The following CSNK1D variants were observed in gnomAD, a reference collection of about 807,000 sequenced individuals.
CSNK1D encodes casein kinase I isoform delta.
CSNK1D carries 16 observed loss-of-function variants against 46.6 expected under a neutral mutation model. That is an observed-to-expected ratio of 0.34 (90% confidence interval 0.23 to 0.52). The LOEUF (loss-of-function observed/expected upper bound fraction) is 0.52, where lower values mean the gene tolerates loss of function less well. CSNK1D is among the 20% of genes least tolerant of loss of function. The probability of loss-of-function intolerance (pLI) is 0.95; values close to 1 mark genes in which losing one functional copy is unlikely to be tolerated. For missense variants in CSNK1D, 398 were observed against 578.4 expected (o/e 0.69, Z 3.20); for synonymous variants, 276 against 228.2 (o/e 1.21, Z -1.89).
In CSNK1D at chr17:82,250,127, A is replaced by G. The variant is rs1346969796; in HGVS notation, c.886-525T>C. The G allele has an allele frequency of 7.7e-7, 1 of 1,290,574 alleles. No individual in the cohort carries two copies. The highest frequency in any genetic ancestry group is 1.0e-6 in the Non-Finnish European group (1 of 989,526). 79.9% of individuals were successfully genotyped at this position (1,290,574 alleles called of 1,614,324 possible). ...CAGCCGGCAGCCGGATCTGTGCTGCACTATCCAGATGCACGGGGGTGGGGA... is the reference window on the plus strand; with the variant it reads ...CAGCCGGCAGCCGGATCTGTGCTGCGCTATCCAGATGCACGGGGGTGGGGA... On this transcript the variant is annotated intron_variant, in intron 6 of 8. Coordinates refer to ENST00000314028, the MANE Select transcript of CSNK1D (RefSeq NM_001893.6). The surrounding 1 kb of genome is among the most constrained non-coding windows in gnomAD (Gnocchi z 4.6).
chr17:82,244,919 G>C, intron 8 of CSNK1D, 88 bp from the exon 9 acceptor site: 10 of 1,566,330 alleles, frequency 6.4e-6, no homozygotes, highest in Non-Finnish European at 8.7e-6. Context: ...TGGGCAGGGA[G>C]GGGACGCACC....
At position 82,249,082 on chromosome 17, in the gene CSNK1D, A is replaced by C; in HGVS notation, c.1058-68T>G. ...TGCCTCTCACTCGGGGCTTTCTATG[A>C]GAGGCTGTGGCCAGAGAGGACCCTG... is the stretch of plus-strand genomic sequence containing the variant. On this transcript the variant is annotated intron_variant, in intron 7 of 8. Coordinates refer to ENST00000314028, the MANE Select transcript of CSNK1D (RefSeq NM_001893.6). This position sits in a 1 kb window ranked among gnomAD's most constrained non-coding sequence, Gnocchi z 6.7. 1 of 1,527,066 alleles carries C rather than the reference A, an allele frequency of 6.5e-7. No homozygotes were observed. Among genetic ancestry groups the C allele is most frequent in the African/African-American group, 1.4e-5 (1 of 72,802 alleles). The allele number at this position is 1,527,066 out of a possible 1,614,324, so 94.6% of individuals were successfully genotyped here.
chr17:82,245,336 C>T (rs1245773340), intron 8 of CSNK1D: 5 of 258,898 alleles, frequency 1.9e-5, no homozygotes, highest in Admixed American at 5.1e-5. Flanking sequence ...GCGTGGACGC[C>T]GGCCATGCAC....
intron 8 of CSNK1D, chr17:82,247,178 T>A (rs995164581): frequency 2.1e-5 from 21 of 985,344 alleles, no homozygotes; most frequent in Middle Eastern, 5.2e-4. Context: ...GACTCCTCCC[T>A]GCTGTTAGAG....
intron 3 of CSNK1D, chr17:82,254,684 G>A (rs2051118926): frequency 3.5e-5 from 4 of 113,746 alleles, no homozygotes; most frequent in Non-Finnish European, 6.3e-5. Context: ...AGCCGCCGGA[G>A]CCTCGAGACG....
Position 82,247,978 on chromosome 17 carries a change from GC to G in CSNK1D, c.1197+896del, listed in dbSNP as rs545038684. 139 of 985,472 alleles carry G rather than the reference GC, an allele frequency of 1.4e-4. No homozygotes were observed. In the African/African-American group the frequency reaches 2.2e-3, roughly 16 times the overall value. 61.0% of individuals were successfully genotyped at this position (985,472 alleles called of 1,614,324 possible). ...GTTCCTGGCTAGCCAGCTACACCCAGCCCCGCTCACGGCAGCAGGCCTGGCT... is the reference window on the plus strand; with the variant it reads ...GTTCCTGGCTAGCCAGCTACACCCAGCCCGCTCACGGCAGCAGGCCTGGCT... On this transcript the variant is annotated intron_variant, in intron 8 of 8. Transcript: ENST00000314028.
chr17:82,262,792 G>A (rs1045185058), intron 2 of CSNK1D, among the ~76,000 whole-genome samples: 72 of 152,220 alleles, frequency 4.7e-4, no homozygotes, highest in African/African-American at 1.6e-3. Context: ...CAACTCCCCG[G>A]TTTAGTCTCA....
At chr17:82,253,273 C>CA (rs1240476935) in intron 3 of CSNK1D, 29 bp from the exon 4 acceptor site, 12 of 1,578,670 alleles carry the variant, frequency 7.6e-6, no homozygotes, top group African/African-American at 1.3e-5. Context: ...CGCGAGATGG[C>CA]ACCCCAGGGC....
intron 2 of CSNK1D, among the ~76,000 whole-genome samples, chr17:82,258,773 C>T (rs1393093361): frequency 6.6e-6 from 1 of 152,216 alleles, no homozygotes; most frequent in African/African-American, 2.4e-5. Context: ...TCCAAGCACT[C>T]AGGACTCCTC....
intron 3 of CSNK1D, 191 bp from the exon 4 acceptor site, chr17:82,253,435 A>G: frequency 1.6e-6 from 1 of 625,018 alleles, no homozygotes; most frequent in Non-Finnish European, 3.0e-6. Context: ...AACCCTCCAC[A>G]CTCCACCCTC....
rs755104289 is a variant in CSNK1D at position 82,243,614 on chromosome 17, T to G, written c.*1167A>C. The G allele has an allele frequency of 3.0e-6, 3 of 985,440 alleles. No individual in the cohort carries two copies. Among genetic ancestry groups the G allele is most frequent in the Non-Finnish European group, 1.2e-6 (1 of 829,952 alleles). 61.0% of individuals were successfully genotyped at this position (985,440 alleles called of 1,614,324 possible). A position where few individuals can be genotyped will look rare whatever the true frequency, so the allele number is the denominator to read the frequency against. The stretch of plus-strand genomic sequence containing the variant: ...CTGGCCGTGAAGGTTCTGGGTCCGG[T>G]TGGGAGAGTCACCTGCTCCTTGGCA... On this transcript the variant is annotated 3_prime_UTR_variant, in exon 9 of 9. Transcript: ENST00000314028.
chr17:82,250,347 G>T lies in CSNK1D; in HGVS notation c.886-745C>A. ...GACACACCTGCGGCTGCAGCACCGT[G>T]CGGCCAGCACCGCCCAGACTCCTCA... is the stretch of plus-strand genomic sequence containing the variant. On this transcript the variant is annotated intron_variant, in intron 6 of 8. Transcript: ENST00000314028. The surrounding 1 kb of genome is among the most constrained non-coding windows in gnomAD (Gnocchi z 4.6). 3.8e-6 allele frequency: 2 copies of T among 532,600 alleles called. No homozygotes were observed. 33.0% of individuals were successfully genotyped at this position (532,600 alleles called of 1,614,324 possible). A position where few individuals can be genotyped will look rare whatever the true frequency, so the allele number is the denominator to read the frequency against.
Position 82,242,841 on chromosome 17 carries a change from A to G in CSNK1D, c.*1940T>C, listed in dbSNP as rs1421799201. ...CTAGATACTGGGCAAGGACTGTCAC[A>G]AGCACTCCGAAGACGCGACCCGGCG... On this transcript the variant is annotated 3_prime_UTR_variant, in exon 9 of 9. Transcript: ENST00000314028. 5.1e-6 allele frequency: 5 copies of G among 985,368 alleles called. No homozygotes were observed. The African/African-American group carries it at 8.7e-5, about 17-fold the overall frequency. The allele number at this position is 985,368 out of a possible 1,614,324, so 61.0% of individuals were successfully genotyped here.
intron 1 of CSNK1D, among the ~76,000 whole-genome samples, chr17:82,270,858 G>A (rs912295607): frequency 2.0e-5 from 3 of 152,162 alleles, no homozygotes; most frequent in Non-Finnish European, 4.4e-5. Context: ...GGGTGTCAGA[G>A]CCACAGCCGC....
intron 8 of CSNK1D, chr17:82,245,434 G>T: frequency 9.6e-6 from 2 of 209,124 alleles, no homozygotes; most frequent in South Asian, 1.4e-4. Flanking sequence ...GACCAAGTGT[G>T]AAAAGAAACA....
At chr17:82,246,006 G>A in intron 8 of CSNK1D, 2 of 1,610,364 alleles carry the variant, frequency 1.2e-6, no homozygotes, top group Non-Finnish European at 1.7e-6. Context: ...GAGACGAGCA[G>A]CTACTTGCCG....
chr17:82,258,313 T>C (rs1013377037), intron 2 of CSNK1D, among the ~76,000 whole-genome samples: 1 of 150,348 alleles, frequency 6.7e-6, no homozygotes, highest in Non-Finnish European at 1.5e-5. Flanking sequence ...AACATAAATG[T>C]ATATATAAAC....
intron 2 of CSNK1D, among the ~76,000 whole-genome samples, chr17:82,260,497 GAT>G (rs2051306491): frequency 6.9e-6 from 1 of 145,302 alleles, no homozygotes; most frequent in Non-Finnish European, 1.6e-5. Flanking sequence ...TGTACTGACT[GAT>G]GTGACTGATG....
chr17:82,271,248 G>GT, intron 1 of CSNK1D, among the ~76,000 whole-genome samples: 1 of 152,040 alleles, frequency 6.6e-6, no homozygotes, highest in Non-Finnish European at 1.5e-5. Flanking sequence ...GCCAATTTTT[G>GT]TATTTTTAGT....
Sources: gnomAD v4.1 joint callset for allele counts (sites outside exome capture counted in the v4.1 genomes callset) on GRCh38, gnomAD v4.1.1 for gene constraint, Gnocchi (gnomAD v3.1) non-coding constraint, MANE v1.5 for transcripts, NCBI Gene and HGNC (gene_info 2026-07-23, HGNC 2026-07-21) for gene names.